Variants in SGCD observed in about 807,000 individuals in gnomAD.
SGCD encodes the protein sarcoglycan delta, also known as delta-sarcoglycan.
A neutral mutation model predicts 36.6 loss-of-function variants in SGCD; 18 were observed. That is an observed-to-expected ratio of 0.49 (90% confidence interval 0.34 to 0.73). The LOEUF (loss-of-function observed/expected upper bound fraction) is 0.73, where lower values mean the gene tolerates loss of function less well. Among genes scored for constraint, SGCD ranks in the 30% least tolerant of loss-of-function variants. The probability of loss-of-function intolerance (pLI) is 0.01; values close to 1 mark genes in which losing one functional copy is unlikely to be tolerated. For missense variants in SGCD, 387 were observed against 346.7 expected, an observed-to-expected ratio of 1.12 and a Z score of -0.92; for synonymous variants, 133 against 130.6, an observed-to-expected ratio of 1.02 and a Z score of -0.12.
At chr5:156,561,202 G>A (rs1759253936) in intron 4 of SGCD, among the ~76,000 whole-genome samples, 1 of 152,136 alleles carries the variant, frequency 6.6e-6, no homozygotes, top group South Asian at 2.1e-4. Context: ...ACAGGGCTTT[G>A]GAAGTCATTT....
the SGCD span, among the ~76,000 whole-genome samples, chr5:155,811,011 G>T: frequency 1.3e-3 from 188 of 148,330 alleles, 1 homozygote; most frequent in Non-Finnish European, 1.9e-3. Context: ...TAGAGACGGG[G>T]TTTCACCGTT....
At chr5:156,411,150 T>C (rs1261790534) in intron 3 of SGCD, among the ~76,000 whole-genome samples, 1 of 152,200 alleles carries the variant, frequency 6.6e-6, no homozygotes, top group Non-Finnish European at 1.5e-5. Flanking sequence ...CTCAGTAAAC[T>C]CTTATTGGTG....
At chr5:155,881,387 G>A (rs189792352) in intron 1 of SGCD, among the ~76,000 whole-genome samples, 104 of 152,158 alleles carry the variant, frequency 6.8e-4, no homozygotes, top group Admixed American at 6.6e-3. Flanking sequence ...ATAAAGTTTT[G>A]TTTACACTAT....
intron 7 of SGCD, among the ~76,000 whole-genome samples, chr5:156,716,842 AG>A (rs1400865601): frequency 6.6e-6 from 1 of 152,192 alleles, no homozygotes; most frequent in Non-Finnish European, 1.5e-5. Flanking sequence ...CTCCCTCGAT[AG>A]GGGTGGAACA....
At chr5:155,793,510 C>A in the SGCD span, among the ~76,000 whole-genome samples, 1 of 151,392 alleles carries the variant, frequency 6.6e-6, no homozygotes, top group African/African-American at 2.4e-5. Context: ...ATATTAATGG[C>A]ATTCTGATTA....
intron 1 of SGCD, among the ~76,000 whole-genome samples, chr5:155,960,612 G>A (rs1321631011): frequency 6.6e-6 from 1 of 152,112 alleles, no homozygotes; most frequent in Non-Finnish European, 1.5e-5. Context: ...ACCTGAGAAA[G>A]GAGAGGCCTT....
intron 3 of SGCD, among the ~76,000 whole-genome samples, chr5:156,392,656 T>G (rs1771641549): frequency 6.6e-6 from 1 of 152,176 alleles, no homozygotes; most frequent in Non-Finnish European, 1.5e-5. Flanking sequence ...CCCGGAAGAA[T>G]TGGATCATGT....
chr5:156,602,019 G>A (rs1486232909), intron 6 of SGCD, among the ~76,000 whole-genome samples: 3 of 152,126 alleles, frequency 2.0e-5, no homozygotes, highest in African/African-American at 7.2e-5. Context: ...CATTAAATCG[G>A]TAGAATGTTT....
chr5:156,298,777 C>A (rs776766834), intron 3 of SGCD, among the ~76,000 whole-genome samples: 49 of 151,896 alleles, frequency 3.2e-4, no homozygotes, highest in Non-Finnish European at 6.2e-4. Context: ...ATATTTTGCT[C>A]ATTTTTAATT....
chr5:156,493,396 G>A (rs1756032743), intron 3 of SGCD, among the ~76,000 whole-genome samples: 2 of 152,080 alleles, frequency 1.3e-5, no homozygotes, highest in Non-Finnish European at 1.5e-5. Flanking sequence ...GCACCCCTTT[G>A]CCTAATCAAC....
At chr5:156,724,947 G>T (rs1339914388) in intron 7 of SGCD, among the ~76,000 whole-genome samples, 1 of 152,198 alleles carries the variant, frequency 6.6e-6, no homozygotes, top group Non-Finnish European at 1.5e-5. Flanking sequence ...TATAATGTAA[G>T]ATGATTGAAA....
the SGCD span, among the ~76,000 whole-genome samples, chr5:155,856,364 G>A: frequency 6.6e-6 from 1 of 152,130 alleles, no homozygotes; most frequent in Non-Finnish European, 1.5e-5. Flanking sequence ...CAAACAAATA[G>A]TAAGATGGCA....
At chr5:156,740,399 TTGTTTGAAAAA>T (rs1756610904) in intron 7 of SGCD, among the ~76,000 whole-genome samples, 1 of 152,230 alleles carries the variant, frequency 6.6e-6, no homozygotes, top group South Asian at 2.1e-4. Context: ...AATGAAGAAA[TTGTTTGAAAAA>T]TATATACACT....
At chr5:156,397,861 G>A (rs1771945292) in intron 3 of SGCD, among the ~76,000 whole-genome samples, 1 of 152,138 alleles carries the variant, frequency 6.6e-6, no homozygotes, top group African/African-American at 2.4e-5. Context: ...AATTTGATGG[G>A]TTTCTGGGCA....
At chr5:155,903,098 G>C (rs1475926728) in intron 1 of SGCD, among the ~76,000 whole-genome samples, 1 of 152,148 alleles carries the variant, frequency 6.6e-6, no homozygotes, top group Non-Finnish European at 1.5e-5. Context: ...TTTGTTTATG[G>C]TGTGAGTTTG....
chr5:156,514,846 T>C (rs908759786), intron 4 of SGCD, among the ~76,000 whole-genome samples: 2 of 152,194 alleles, frequency 1.3e-5, no homozygotes, highest in Non-Finnish European at 2.9e-5. Flanking sequence ...ACCTACATCA[T>C]GTGTGGTCGT....
At chr5:156,141,595 G>T (rs533574359) in intron 3 of SGCD, among the ~76,000 whole-genome samples, 58 of 152,180 alleles carry the variant, frequency 3.8e-4, no homozygotes, top group Non-Finnish European at 6.3e-4. Context: ...CAATGCAGTG[G>T]TTTTTCCTCT....
intron 2 of SGCD, among the ~76,000 whole-genome samples, chr5:156,336,680 C>T (rs1009041062): frequency 6.6e-6 from 1 of 152,140 alleles, no homozygotes; most frequent in Non-Finnish European, 1.5e-5. Context: ...TGAATAAAGC[C>T]TGAATATGTA....
chr5:155,763,971 G>C, the SGCD span, among the ~76,000 whole-genome samples: 3 of 152,118 alleles, frequency 2.0e-5, no homozygotes, highest in African/African-American at 7.2e-5. Context: ...TTTGGAAAGA[G>C]AGACTGCAGG....
Sources: allele counts gnomAD v4.1 joint callset (sites outside exome capture counted in the v4.1 genomes callset), GRCh38; gene constraint gnomAD v4.1.1; transcripts MANE v1.5; gene names NCBI Gene and HGNC (gene_info 2026-07-23, HGNC 2026-07-21).